MAPKBP1: variants seen among roughly 807,000 people sequenced by gnomAD.
MAPKBP1 encodes the protein mitogen-activated protein kinase-binding protein 1.
In MAPKBP1, 71 loss-of-function variants were observed where a neutral mutation model predicts 170.5. That is an observed-to-expected ratio of 0.42 (90% confidence interval 0.34 to 0.51). The LOEUF (loss-of-function observed/expected upper bound fraction) is 0.51, where lower values mean the gene tolerates loss of function less well. Among genes scored for constraint, MAPKBP1 ranks in the 20% least tolerant of loss-of-function variants. The pLI, the probability that MAPKBP1 is intolerant of heterozygous loss-of-function variation, is 0.06. For missense variants in MAPKBP1, 1,598 were observed against 1,933.0 expected, an observed-to-expected ratio of 0.83 and a Z score of 3.25; for synonymous variants, 719 against 757.9, an observed-to-expected ratio of 0.95 and a Z score of 0.84.
chr15:41,825,112 A>T (rs1714130876), intron 30 of MAPKBP1, 97 bp from the exon 31 acceptor site: 3 of 845,870 alleles, frequency 3.5e-6, no homozygotes, highest in Non-Finnish European at 5.5e-6. Context: ...GTTCCCAGCT[A>T]GTCCCTTCTG....
At position 41,827,551 on chromosome 15, in the gene MAPKBP1, C is replaced by T. The variant is rs1198676009; in HGVS notation, c.*2115C>T. 2 of 152,378 alleles carry T rather than the reference C, an allele frequency of 1.3e-5. No homozygotes were observed. The highest frequency in any genetic ancestry group is 2.9e-5 in the Non-Finnish European group (2 of 68,150). The allele number at this position is 152,378 out of a possible 1,614,324, so 9.4% of individuals were successfully genotyped here. The stretch of plus-strand genomic sequence containing the variant: ...GGTCCTTCACGAGGAGGGAGCTACC[C>T]TTCGCCAGAAGTTTGTGAGAATGTG... On this transcript the variant is annotated 3_prime_UTR_variant, in exon 31 of 31. Transcript: ENST00000457542.
Position 41,816,579 on chromosome 15 carries a change from T to C in MAPKBP1, c.1514T>C (p.Leu505Pro). The C allele has an allele frequency of 6.2e-7, 1 of 1,614,086 alleles. No individual in the cohort carries two copies. Among genetic ancestry groups the C allele is most frequent in the Non-Finnish European group, 8.5e-7 (1 of 1,180,000 alleles). ...GTLRVHELQS[L>P]SEMLKVEAHD... ...TGCAGGGTGCACGAACTTCAGTCCC[T>C]GAGTGAGATGCTGAAGGTGGAGGCC... The change falls in exon 13 of 31, where the codon CTG (leucine) becomes CCG (proline). Residue 505 changes from leucine (L) to proline (P), a missense_variant. Leu to Pro is a moderately conservative substitution (Grantham distance 98). Coordinates refer to ENST00000457542, the MANE Select transcript of MAPKBP1 (RefSeq NM_014994.3).
In MAPKBP1 at chr15:41,801,467, C is replaced by T. The variant is rs183168710; in HGVS notation, c.206+1553C>T. Among the ~76,000 whole-genome samples, 10 of 152,280 alleles carry T rather than the reference C, an allele frequency of 6.6e-5. No homozygotes were observed. The East Asian group carries it at 7.7e-4, about 12-fold the overall frequency. ...ACCATTAACTTGTTAATGCCTAGTT[C>T]ATTCCCCAATGTAATTTTCATAGCA... On this transcript the variant is annotated intron_variant, in intron 3 of 30. Coordinates refer to ENST00000457542, the MANE Select transcript of MAPKBP1 (RefSeq NM_014994.3).
Position 41,819,549 on chromosome 15 carries a change from G to T in MAPKBP1, c.2426-46G>T, listed in dbSNP as rs60875657. On this transcript the variant is annotated intron_variant, in intron 21 of 30. Transcript: ENST00000457542. ...GCCAGGGCTCCAGGGTTGGGTGGCG[G>T]GGGGGGGGCAGGAGACACTTCCTCT... 617 of 1,448,746 alleles carry T rather than the reference G, an allele frequency of 4.3e-4. 26 individuals are homozygous for T. In the African/African-American group the frequency reaches 9.3e-3, roughly 22 times the overall value. 89.7% of individuals were successfully genotyped at this position (1,448,746 alleles called of 1,614,324 possible).
chr15:41,824,422 G>A, intron 29 of MAPKBP1, 62 bp from the exon 30 acceptor site: 5 of 1,442,006 alleles, frequency 3.5e-6, no homozygotes, highest in Non-Finnish European at 4.7e-6. Flanking sequence ...TGAGTGTCTT[G>A]GGTGCGGAGG....
At chr15:41,774,957 C>T (rs2064072102) in intron 1 of MAPKBP1, 1 of 485,452 alleles carries the variant, frequency 2.1e-6, no homozygotes, top group African/African-American at 2.0e-5. Context: ...TTAAACGCCT[C>T]TGGCGGGCGT....
Position 41,812,574 on chromosome 15 carries a change from C to G in MAPKBP1, c.557C>G (p.Ser186Cys). ...VSSRVTAVSF[S>C]EDCSYFVTAG... ...AGTCGGGTGACAGCAGTGTCCTTCT[C>G]TGAGGATTGCAGCTACTTTGTCACT... Residue 186 changes from serine to cysteine, a missense_variant, in exon 7 of 31, where the codon TCT (serine) becomes TGT (cysteine). By Grantham distance (112) the Ser-to-Cys change is moderately radical. Coordinates refer to ENST00000457542, the MANE Select transcript of MAPKBP1 (RefSeq NM_014994.3). 6.2e-7 allele frequency: 1 copy of G among 1,614,194 alleles called. No individual in the cohort carries two copies. The highest frequency in any genetic ancestry group is 8.5e-7 in the Non-Finnish European group (1 of 1,180,028).
rs551227631 is a variant in MAPKBP1 at position 41,792,009 on chromosome 15, C to T, written c.115-7814C>T. On this transcript the variant is annotated intron_variant, in intron 2 of 30. Coordinates refer to ENST00000457542, the MANE Select transcript of MAPKBP1 (RefSeq NM_014994.3). ...GGTGGAGGTTGCTGTCAGCCGAGAT[C>T]GTGCCATTGCAGTCTAGCCTGGGTA... 4.7e-5 allele frequency among the ~76,000 whole-genome samples: 7 copies of T among 150,440 alleles called. No homozygotes were observed. In the South Asian group the frequency reaches 6.4e-4, roughly 14 times the overall value.
intron 2 of MAPKBP1, among the ~76,000 whole-genome samples, chr15:41,786,777 A>AAAAAAAAATATATATATATATATATAT: frequency 9.6e-4 from 31 of 32,362 alleles, no homozygotes; most frequent in Non-Finnish European, 1.3e-3. Flanking sequence ...AAAAAAAAAA[A>AAAAAAAAATATATATATATATATATAT]ATATATATAT....
chr15:41,789,392 A>G (rs1217343790), intron 2 of MAPKBP1, among the ~76,000 whole-genome samples: 1 of 152,116 alleles, frequency 6.6e-6, no homozygotes, highest in Non-Finnish European at 1.5e-5. Flanking sequence ...AGAGAAAGAG[A>G]GGGCAGAAGG....
rs147207961 is a variant in MAPKBP1 at position 41,823,490 on chromosome 15, G to A, written c.3642G>A (p.Leu1214=). ...ASLQAPSPGA[L]LSREIEAQDG... Reference sequence around the variant, plus strand: ...TGCAGGCCCCTTCACCAGGCGCACTGCTGTCTCGGGAGATCGAAGCTCAGG... The same window carrying A: ...TGCAGGCCCCTTCACCAGGCGCACTACTGTCTCGGGAGATCGAAGCTCAGG... The change falls in exon 29 of 31, where the codon CTG becomes CTA. Residue 1214 remains leucine, a synonymous_variant. Coordinates refer to ENST00000457542, the MANE Select transcript of MAPKBP1 (RefSeq NM_014994.3). The A allele has an allele frequency of 9.5e-5, 153 of 1,613,918 alleles. No individual in the cohort carries two copies. Among genetic ancestry groups the A allele is most frequent in the Non-Finnish European group, 1.2e-4 (138 of 1,179,974 alleles).
rs3743028 is a variant in MAPKBP1, at chr15:41,825,585, G to T, written c.*149G>T. On this transcript the variant is annotated 3_prime_UTR_variant, in exon 31 of 31. Transcript: ENST00000457542. ...AGCAGCCTTCCCAGCCGCTCCTCGTGGGGGGCCTGTATTTATTAATTTATT... is the reference window on the plus strand; with the variant it reads ...AGCAGCCTTCCCAGCCGCTCCTCGTTGGGGGCCTGTATTTATTAATTTATT... 1.8e-5 allele frequency: 11 copies of T among 617,896 alleles called. No individual in the cohort carries two copies. Among genetic ancestry groups the T allele is most frequent in the African/African-American group, 9.4e-5 (5 of 53,210 alleles). 38.3% of individuals were successfully genotyped at this position (617,896 alleles called of 1,614,324 possible). A position where few individuals can be genotyped will look rare whatever the true frequency, so the allele number is the denominator to read the frequency against.
rs1209294414 is a variant in MAPKBP1 at position 41,822,981 on chromosome 15, A to G, written c.3357A>G (p.Arg1119=). 2 of 1,613,830 alleles carry G rather than the reference A, an allele frequency of 1.2e-6. No homozygotes were observed. The highest frequency in any genetic ancestry group is 2.2e-5 in the East Asian group (1 of 44,864). ...PSSSSLALMS[R]PAQVPQASGE... is the part of the protein sequence containing the mutation. The stretch of plus-strand genomic sequence containing the variant: ...CCTCAAGCCTGGCACTGATGTCGAG[A>G]CCAGCCCAGGTGCCACAGGCATCTG... The change falls in exon 28 of 31, where the codon AGA becomes AGG. Residue 1119 remains arginine, a synonymous_variant. Transcript: ENST00000457542.
intron 12 of MAPKBP1, 125 bp downstream of exon 12, chr15:41,815,924 A>C: frequency 5.2e-6 from 5 of 960,800 alleles, no homozygotes; most frequent in Non-Finnish European, 6.1e-6. Flanking sequence ...AGGCAAAGAT[A>C]ATAACTTCAC....
intron 26 of MAPKBP1, 35 bp downstream of exon 26, chr15:41,822,457 T>G: frequency 6.2e-7 from 1 of 1,608,542 alleles, no homozygotes; most frequent in Non-Finnish European, 8.5e-7. Flanking sequence ...GTGCCTGCAA[T>G]TTGCCCTTCT....
chr15:41,814,470 A>G (rs890641657), intron 9 of MAPKBP1, 80 bp from the exon 10 acceptor site: 2 of 1,424,462 alleles, frequency 1.4e-6, no homozygotes, highest in African/African-American at 1.4e-5. Flanking sequence ...GGCTCCTCAC[A>G]CACTGCTCCT....
chr15:41,810,912 A>G lies in MAPKBP1; in HGVS notation c.236A>G (p.Lys79Arg), dbSNP rs375878673. Reference protein sequence around the residue: ...GCVVVLFNPRKHKQHHILNSS... With the variant: ...GCVVVLFNPRRHKQHHILNSS... ...GTGGTTGTGTTGTTCAATCCCCGGAAACACAAACAGCACCACATCCTCAAC... is the reference window on the plus strand; with the variant it reads ...GTGGTTGTGTTGTTCAATCCCCGGAGACACAAACAGCACCACATCCTCAAC... Residue 79 changes from lysine (K) to arginine (R), a missense_variant, in exon 4 of 31, where the codon AAA becomes AGA. Transcript: ENST00000457542. 4.4e-5 allele frequency: 71 copies of G among 1,613,990 alleles called. No homozygotes were observed. Among genetic ancestry groups the G allele is most frequent in the Non-Finnish European group, 6.0e-5 (71 of 1,180,028 alleles).
Position 41,821,050 on chromosome 15 carries a change from G to C in MAPKBP1, c.2700G>C (p.Glu900Asp). The C allele has an allele frequency of 6.2e-7, 1 of 1,614,072 alleles. No homozygotes were observed. Among genetic ancestry groups the C allele is most frequent in the Non-Finnish European group, 8.5e-7 (1 of 1,180,002 alleles). The change falls in exon 23 of 31, where the codon GAG (glutamate) becomes GAC (aspartate). Residue 900 changes from glutamate to aspartate, a missense_variant. Coordinates refer to ENST00000457542, the MANE Select transcript of MAPKBP1 (RefSeq NM_014994.3). ...GPRKHGQEAL[E>D]TSLTSQNEKP... Reference sequence around the variant, plus strand: ...GGAAGCATGGGCAGGAGGCCCTTGAGACTTCACTCACTAGCCAGGTGAGCC... The same window carrying C: ...GGAAGCATGGGCAGGAGGCCCTTGACACTTCACTCACTAGCCAGGTGAGCC...
intron 2 of MAPKBP1, among the ~76,000 whole-genome samples, chr15:41,781,079 CCTTTTTT>C (rs750783341): frequency 4.2e-4 from 58 of 138,000 alleles, no homozygotes; most frequent in South Asian, 3.7e-3. Flanking sequence ...TTTTTTTTTT[CCTTTTTT>C]CTTTTTTGAG....
Sources: allele counts gnomAD v4.1 joint callset (sites outside exome capture counted in the v4.1 genomes callset), GRCh38; gene constraint gnomAD v4.1.1; transcripts MANE v1.5; gene names NCBI Gene and HGNC (gene_info 2026-07-23, HGNC 2026-07-21).